Variants in HDAC7 observed in about 807,000 individuals in gnomAD.
HDAC7 encodes the protein histone deacetylase 7, also known as histone deacetylase 7A.
HDAC7 carries 26 observed loss-of-function variants against 115.5 expected under a neutral mutation model. That is an observed-to-expected ratio of 0.23 (90% CI 0.16 to 0.31). The LOEUF is 0.31. Ranked by LOEUF, HDAC7 falls within the 10% of genes least tolerant of loss-of-function variation. The pLI, the probability that HDAC7 is intolerant of heterozygous loss-of-function variation, is 1.00. For synonymous variants in HDAC7, 564 were observed against 550.9 expected, an observed-to-expected ratio of 1.02 and a Z score of -0.33; for missense variants, 1,068 against 1,329.0, an observed-to-expected ratio of 0.80 and a Z score of 3.05.
At chr12:47,800,623 AC>A (rs1480948452) in intron 2 of HDAC7, among the ~76,000 whole-genome samples, 1 of 152,094 alleles carries the variant, frequency 6.6e-6, no homozygotes, top group Admixed American at 6.5e-5. Context: ...GAATACCAAA[AC>A]ACTCCTGCCC....
In HDAC7 at chr12:47,782,786, A is replaced by T. The variant is rs1309706110; in HGVS notation, c.*1055T>A. 1 of 152,848 alleles carries T rather than the reference A, an allele frequency of 6.5e-6. No individual in the cohort carries two copies. The highest frequency in any genetic ancestry group is 1.5e-5 in the Non-Finnish European group (1 of 68,050). The allele number at this position is 152,848 out of a possible 1,614,324, so 9.5% of individuals were successfully genotyped here. On this transcript the variant is annotated 3_prime_UTR_variant, in exon 26 of 26. Transcript: ENST00000080059. Reference sequence around the variant, plus strand: ...CCATTTTCTTCCTTTTTACAAAAACATGCATACATACACAGGGTATGGTGG... The same window carrying T: ...CCATTTTCTTCCTTTTTACAAAAACTTGCATACATACACAGGGTATGGTGG...
chr12:47,808,899 C>A (rs1306329588), intron 1 of HDAC7, among the ~76,000 whole-genome samples: 1 of 152,262 alleles, frequency 6.6e-6, no homozygotes, highest in Non-Finnish European at 1.5e-5. Context: ...CCTCACTCCT[C>A]TGCTCCAGTA....
chr12:47,787,239 G>GA (rs1565793681), intron 21 of HDAC7, among the ~76,000 whole-genome samples: 1 of 53,090 alleles, frequency 1.9e-5, no homozygotes, highest in East Asian at 1.5e-3. Context: ...CCTCTTCCAG[G>GA]CCCCCCCCCA....
intron 1 of HDAC7, among the ~76,000 whole-genome samples, chr12:47,810,831 TCTCTCTCTC>T (rs1944626046): frequency 1.0e-5 from 1 of 97,188 alleles, no homozygotes; most frequent in Non-Finnish European, 2.2e-5. Flanking sequence ...TCTCTCTCTC[TCTCTCTCTC>T]TCTCTCTATC....
At position 47,793,347 on chromosome 12, in the gene HDAC7, G is replaced by T; in HGVS notation, c.1678+22C>A. On this transcript the variant is annotated intron_variant, in intron 13 of 25. Transcript: ENST00000080059. This position sits in a 1 kb window ranked among gnomAD's most constrained non-coding sequence, Gnocchi z 4.5. ...TGCAGCCGAGCCCCTCCCTCCACCC[G>T]CCACCCTCCTCCCGGTCTCACCTGT... 5.9e-6 allele frequency: 3 copies of T among 504,540 alleles called. No homozygotes were observed. The allele number at this position is 504,540 out of a possible 1,614,324, so 31.3% of individuals were successfully genotyped here.
chr12:47,814,873 C>T (rs1944807727), intron 1 of HDAC7, among the ~76,000 whole-genome samples: 1 of 152,242 alleles, frequency 6.6e-6, no homozygotes, highest in Non-Finnish European at 1.5e-5. Flanking sequence ...GAAGTCCCAC[C>T]TTGTTATTCT....
chr12:47,804,730 C>T (rs1361107507), intron 1 of HDAC7, among the ~76,000 whole-genome samples: 4 of 152,114 alleles, frequency 2.6e-5, no homozygotes, highest in Admixed American at 2.6e-4. Context: ...CCTTCTTAAA[C>T]CAGAACACCT....
rs558173136 is a variant in HDAC7, at chr12:47,801,483, G to A, written c.70+741C>T. Among the ~76,000 whole-genome samples the A allele has an allele frequency of 2.6e-5, 4 of 151,258 alleles. No individual in the cohort carries two copies. The East Asian group carries it at 5.8e-4, about 22-fold the overall frequency. ...ACATTATTGCATTCTATTTTTTTTCGCTTTGTATTTGTGTGTGCTTCCTCC... is the reference window on the plus strand; with the variant it reads ...ACATTATTGCATTCTATTTTTTTTCACTTTGTATTTGTGTGTGCTTCCTCC... On this transcript the variant is annotated intron_variant, in intron 2 of 25. Coordinates refer to ENST00000080059, the MANE Select transcript of HDAC7 (RefSeq NM_015401.5).
At position 47,797,422 on chromosome 12, in the gene HDAC7, G is replaced by A; in HGVS notation, c.539C>T (p.Pro180Leu). 1 of 1,614,180 alleles carries A rather than the reference G, an allele frequency of 6.2e-7. No homozygotes were observed. The highest frequency in any genetic ancestry group is 8.5e-7 in the Non-Finnish European group (1 of 1,180,022). The part of the protein sequence containing the change: ...SSFLPPVPSL[P>L]SDPPEHFPLR... ...AGGGAAGTGCTCTGGGGGGTCACTG[G>A]GCAGGCTGGGAACAGGAGGCAAAAA... The change falls in exon 6 of 26, where the codon CCC (proline) becomes CTC (leucine). Residue 180 changes from proline to leucine, a missense_variant. By Grantham distance (98) the Pro-to-Leu change is moderately conservative (BLOSUM62 -3). Transcript: ENST00000080059. This position sits in a 1 kb window ranked among gnomAD's most constrained non-coding sequence, Gnocchi z 5.5.
At chr12:47,816,904 G>C (rs1429919298) in intron 1 of HDAC7, among the ~76,000 whole-genome samples, 1 of 152,156 alleles carries the variant, frequency 6.6e-6, no homozygotes, top group African/African-American at 2.4e-5. Context: ...CCTTCCCCCA[G>C]CCCGCGAGTC....
rs1313537181 is a variant in HDAC7 at position 47,803,771 on chromosome 12, G to A, written c.20-1497C>T. Among the ~76,000 whole-genome samples the A allele has an allele frequency of 1.3e-5, 2 of 152,194 alleles. No homozygotes were observed. The highest frequency in any genetic ancestry group is 4.8e-5 in the African/African-American group (2 of 41,446). ...ATGACTCTCTCCTGACAACCTGCCT[G>A]AGACACAGCATGCATATTTCTCAAG... On this transcript the variant is annotated intron_variant, in intron 1 of 25. Coordinates refer to ENST00000080059, the MANE Select transcript of HDAC7 (RefSeq NM_015401.5). This position sits in a 1 kb window ranked among gnomAD's most constrained non-coding sequence, Gnocchi z 4.0.
Position 47,785,972 on chromosome 12 carries a change from T to C in HDAC7, c.2573-87A>G. 34 of 1,325,958 alleles carry C rather than the reference T, an allele frequency of 2.6e-5. No homozygotes were observed. The South Asian group carries it at 5.1e-4, about 20-fold the overall frequency. The allele number at this position is 1,325,958 out of a possible 1,614,324, so 82.1% of individuals were successfully genotyped here. On this transcript the variant is annotated intron_variant, in intron 22 of 25. Transcript: ENST00000080059. ...CCCTGTGGCTTCCCTGCTTGCTTCC[T>C]CCCTAATAAAGAATGACTCACATGT...
chr12:47,804,970 C>A (rs1277665607), intron 1 of HDAC7, among the ~76,000 whole-genome samples: 2 of 152,148 alleles, frequency 1.3e-5, no homozygotes, highest in Non-Finnish European at 2.9e-5. Flanking sequence ...TGCCGACCAC[C>A]TGCTCTCCCA....
chr12:47,818,873 A>G (rs1416764622), intron 1 of HDAC7, among the ~76,000 whole-genome samples: 1 of 152,194 alleles, frequency 6.6e-6, no homozygotes, highest in Non-Finnish European at 1.5e-5. Context: ...GGGCAGCCAC[A>G]GCGGGAAGCA....
chr12:47,802,515 C>T, intron 1 of HDAC7: 1 of 1,549,502 alleles, frequency 6.5e-7, no homozygotes, highest in South Asian at 1.2e-5. Context: ...TTCTAAATGA[C>T]TTGAACTCAG....
At chr12:47,808,184 G>A (rs1944484619) in intron 1 of HDAC7, among the ~76,000 whole-genome samples, 1 of 152,210 alleles carries the variant, frequency 6.6e-6, no homozygotes, top group African/African-American at 2.4e-5. Context: ...CCCTGAGGCA[G>A]CTATTTTTAG....
rs773770396 is a variant in HDAC7, at chr12:47,796,016, C to T, written c.796G>A (p.Ala266Thr). Residue 266 changes from alanine to threonine, a missense_variant and splice_region_variant, in exon 9 of 26, where the codon GCG (alanine) becomes ACG (threonine). This residue lies in a region of HDAC7 where 618 missense variants were observed against 701.5 expected (regional missense o/e 0.88). Transcript: ENST00000080059. ...AGCCGCAGCCGCTGGCCCAAGAGCGCCTGCCATAGGGAGCAGGGCGAGGGT... is the reference window on the plus strand; with the variant it reads ...AGCCGCAGCCGCTGGCCCAAGAGCGTCTGCCATAGGGAGCAGGGCGAGGGT... ...HGPNPILGSE[A>T]LLGQRLRLQE... 4.5e-6 allele frequency: 7 copies of T among 1,549,766 alleles called. No individual in the cohort carries two copies. The South Asian group carries it at 8.3e-5, about 18-fold the overall frequency.
chr12:47,793,287 G>T lies in HDAC7; in HGVS notation c.1678+82C>A. The T allele has an allele frequency of 9.2e-7, 1 of 1,082,018 alleles. No homozygotes were observed. Among genetic ancestry groups the T allele is most frequent in the Non-Finnish European group, 1.3e-6 (1 of 770,650 alleles). The allele number at this position is 1,082,018 out of a possible 1,614,324, so 67.0% of individuals were successfully genotyped here. On this transcript the variant is annotated intron_variant, in intron 13 of 25. Transcript: ENST00000080059. This position sits in a 1 kb window ranked among gnomAD's most constrained non-coding sequence, Gnocchi z 4.5. ...TAAGCACTCTGTGGCCTCTAAAAATGTCCCAAGTGACACCAAGACACCCAC... is the reference window on the plus strand; with the variant it reads ...TAAGCACTCTGTGGCCTCTAAAAATTTCCCAAGTGACACCAAGACACCCAC...
intron 1 of HDAC7, among the ~76,000 whole-genome samples, chr12:47,805,658 A>G (rs1944367420): frequency 6.6e-6 from 1 of 152,230 alleles, no homozygotes. Flanking sequence ...CCTCCCTGAC[A>G]CAGAGTGGGG....
Sources: allele counts gnomAD v4.1 joint callset (sites outside exome capture counted in the v4.1 genomes callset), GRCh38; gene constraint gnomAD v4.1.1; regional missense constraint gnomAD v4.1.1; non-coding constraint Gnocchi (gnomAD v3.1); transcripts MANE v1.5; gene names NCBI Gene and HGNC (gene_info 2026-07-23, HGNC 2026-07-21).